Variants in MROH2A observed in about 807,000 individuals in gnomAD.
MROH2A encodes the protein maestro heat-like repeat-containing protein family member 2A.
In MROH2A, 174 loss-of-function variants were observed where a neutral mutation model predicts 200.4. The observed-to-expected ratio is 0.87, with a 90% confidence interval of 0.77 to 0.98. The LOEUF is 0.98. Among genes scored for constraint, MROH2A ranks in the 50% least tolerant of loss-of-function variants. MROH2A has a pLI of 0.00. For synonymous variants in MROH2A, 829 were observed against 840.4 expected (o/e 0.99, Z 0.23); for missense variants, 2,045 against 2,139.6 (o/e 0.96, Z 0.87).
chr2:233,830,407 G>A (rs1559487458), intron 38 of MROH2A, among the ~76,000 whole-genome samples: 1 of 152,194 alleles, frequency 6.6e-6, no homozygotes, highest in Non-Finnish European at 1.5e-5. Flanking sequence ...CAGGAAGTGG[G>A]GAGGTGGCTG....
intron 3 of MROH2A, among the ~76,000 whole-genome samples, chr2:233,782,756 G>A (rs1701008800): frequency 6.6e-6 from 1 of 152,076 alleles, no homozygotes; most frequent in African/African-American, 2.4e-5. Flanking sequence ...TTATGTTGAA[G>A]AGCAGTGGTA....
intron 3 of MROH2A, among the ~76,000 whole-genome samples, chr2:233,784,679 T>G (rs1392838749): frequency 6.6e-6 from 1 of 152,200 alleles, no homozygotes; most frequent in Non-Finnish European, 1.5e-5. Flanking sequence ...CATCACATGA[T>G]GCACTGGCTC....
At chr2:233,789,736 AG>A (rs1202293354) in intron 4 of MROH2A, 108 bp downstream of exon 4, 40 of 1,458,066 alleles carry the variant, frequency 2.7e-5, no homozygotes, top group Non-Finnish European at 3.5e-5. Flanking sequence ...CTCTCAGAGC[AG>A]GGGTAAGGCT....
chr2:233,789,962 C>T lies in MROH2A; in HGVS notation c.519C>T (p.Asn173=). 6.4e-7 allele frequency: 1 copy of T among 1,550,506 alleles called. No individual in the cohort carries two copies. The highest frequency in any genetic ancestry group is 8.7e-7 in the Non-Finnish European group (1 of 1,146,930). The change falls in exon 5 of 42, where the codon AAC becomes AAT. Residue 173 remains asparagine (N), a synonymous_variant. Transcript: ENST00000389758. Reference sequence around the variant, plus strand: ...TGCAGCACCACCTCAAGCCCCTCAACCTCACTGATGAATTTGTCATCATCA... The same window carrying T: ...TGCAGCACCACCTCAAGCCCCTCAATCTCACTGATGAATTTGTCATCATCA... The part of the protein sequence containing the change: ...YELQHHLKPL[N]LTDEFVIITL...
At chr2:233,787,265 G>A (rs1258457933) in intron 3 of MROH2A, among the ~76,000 whole-genome samples, 1 of 151,668 alleles carries the variant, frequency 6.6e-6, no homozygotes, top group Non-Finnish European at 1.5e-5. Context: ...TGTTAATTAA[G>A]CATATTGGCC....
chr2:233,787,587 ATATATATAT>A (rs1375585950), intron 3 of MROH2A, among the ~76,000 whole-genome samples: 1,014 of 13,580 alleles, frequency 0.075, 210 homozygotes, highest in Middle Eastern at 0.18. Flanking sequence ...TCATATATAC[ATATATATAT>A]TATATATTAT....
intron 6 of MROH2A, 118 bp from the exon 7 acceptor site, chr2:233,793,555 G>A (rs1701917009): frequency 3.1e-6 from 3 of 978,446 alleles, no homozygotes; most frequent in Non-Finnish European, 4.1e-6. Flanking sequence ...AGGGCAGGGT[G>A]CAGCCTGCTC....
Position 233,828,519 on chromosome 2 carries a change from C to A in MROH2A, c.4114-111C>A. 1.5e-6 allele frequency: 2 copies of A among 1,339,500 alleles called. No individual in the cohort carries two copies. The highest frequency in any genetic ancestry group is 1.5e-5 in the South Asian group (1 of 68,168). The allele number at this position is 1,339,500 out of a possible 1,614,324, so 83.0% of individuals were successfully genotyped here. On this transcript the variant is annotated intron_variant, in intron 35 of 41. Coordinates refer to ENST00000389758, the MANE Select transcript of MROH2A (RefSeq NM_001394639.1). The surrounding 1 kb of genome is among the most constrained non-coding windows in gnomAD (Gnocchi z 4.6). The stretch of plus-strand genomic sequence containing the variant: ...GAAACGGAGGCTCTCAGAGCCCCTC[C>A]CCTCCTGTCCACAGAGCCACCAATC...
intron 3 of MROH2A, among the ~76,000 whole-genome samples, chr2:233,788,981 C>T (rs1190286959): frequency 7.2e-6 from 1 of 138,438 alleles, no homozygotes; most frequent in Non-Finnish European, 1.5e-5. Context: ...AGTAACTTGT[C>T]ATGCCTGATT....
At position 233,828,748 on chromosome 2, in the gene MROH2A, T is replaced by A; in HGVS notation, c.4232T>A (p.Leu1411His). The A allele has an allele frequency of 6.4e-7, 1 of 1,550,454 alleles. No homozygotes were observed. The highest frequency in any genetic ancestry group is 8.7e-7 in the Non-Finnish European group (1 of 1,146,910). ...CTGCGGGTGCTGTCCCTGCGCGCCC[T>A]CGGCAACATGGCCCTGGGCGCCCCC... ...EALRVLSLRA[L>H]GNMALGAPKK... Residue 1411 changes from leucine to histidine, a missense_variant, in exon 36 of 42, where the codon CTC becomes CAC. Leu to His is a moderately conservative substitution (Grantham distance 99, BLOSUM62 -3). Transcript: ENST00000389758. This position sits in a 1 kb window ranked among gnomAD's most constrained non-coding sequence, Gnocchi z 4.6.
intron 5 of MROH2A, among the ~76,000 whole-genome samples, chr2:233,791,853 G>A (rs1380174530): frequency 6.6e-6 from 1 of 152,064 alleles, no homozygotes; most frequent in Non-Finnish European, 1.5e-5. Context: ...GGAGTGGGAG[G>A]GGAGGAAGGG....
chr2:233,819,235 T>C (rs769412544), intron 29 of MROH2A, 82 bp from the exon 30 acceptor site: 145 of 1,363,516 alleles, frequency 1.1e-4, no homozygotes, highest in Non-Finnish European at 1.4e-4. Flanking sequence ...AGTGGGGCCA[T>C]GGGGTGGGAC....
intron 24 of MROH2A, among the ~76,000 whole-genome samples, chr2:233,812,249 C>T (rs1249988996): frequency 2.0e-5 from 3 of 152,186 alleles, no homozygotes; most frequent in Admixed American, 2.0e-4. Flanking sequence ...AGCAAAATAA[C>T]AGTGATAACA....
At chr2:233,783,028 G>T (rs563029770) in intron 3 of MROH2A, among the ~76,000 whole-genome samples, 85 of 152,230 alleles carry the variant, frequency 5.6e-4, no homozygotes, top group Middle Eastern at 3.4e-3. Context: ...TTATTGATTT[G>T]TGTGTATTGG....
At chr2:233,794,839 G>A (rs914567067) in intron 8 of MROH2A, among the ~76,000 whole-genome samples, 3 of 152,132 alleles carry the variant, frequency 2.0e-5, no homozygotes, top group African/African-American at 7.2e-5. Flanking sequence ...TTCTCTGTAC[G>A]TCCTGGAGGT....
In MROH2A at chr2:233,823,021, G is replaced by T; in HGVS notation, c.4004+3G>T. The T allele has an allele frequency of 6.5e-7, 1 of 1,550,016 alleles. No homozygotes were observed. The highest frequency in any genetic ancestry group is 8.7e-7 in the Non-Finnish European group (1 of 1,146,906). On this transcript the variant is annotated splice_donor_region_variant and intron_variant, in intron 34 of 41. Coordinates refer to ENST00000389758, the MANE Select transcript of MROH2A (RefSeq NM_001394639.1). Reference sequence around the variant, plus strand: ...GAGGGTGTGAGCCTGCTGGCCAGGTGGGCCCTGGCTCCCACAGGGTGGCAG... The same window carrying T: ...GAGGGTGTGAGCCTGCTGGCCAGGTTGGCCCTGGCTCCCACAGGGTGGCAG...
chr2:233,800,721 G>A (rs1033993886), intron 14 of MROH2A, among the ~76,000 whole-genome samples: 1 of 152,128 alleles, frequency 6.6e-6, no homozygotes, highest in Non-Finnish European at 1.5e-5. Context: ...TTCTAACTCT[G>A]TGAAAGACAG....
Position 233,789,965 on chromosome 2 carries a change from C to T in MROH2A, c.522C>T (p.Leu174=), listed in dbSNP as rs1388083755. 1.9e-6 allele frequency: 3 copies of T among 1,550,506 alleles called. No individual in the cohort carries two copies. The Admixed American group carries it at 5.9e-5, about 30-fold the overall frequency. The change falls in exon 5 of 42, where the codon CTC becomes CTT. Residue 174 remains leucine, a synonymous_variant. Transcript: ENST00000389758. ...ELQHHLKPLN[L]TDEFVIITLA... is the part of the protein sequence containing the mutation. Reference sequence around the variant, plus strand: ...AGCACCACCTCAAGCCCCTCAACCTCACTGATGAATTTGTCATCATCACAC... The same window carrying T: ...AGCACCACCTCAAGCCCCTCAACCTTACTGATGAATTTGTCATCATCACAC...
rs1294952637 is a variant in MROH2A at position 233,813,795 on chromosome 2, T to C, written c.2760+17T>C. 3 of 1,422,052 alleles carry C rather than the reference T, an allele frequency of 2.1e-6. No individual in the cohort carries two copies. Among genetic ancestry groups the C allele is most frequent in the East Asian group, 2.5e-5 (1 of 40,242 alleles). 88.1% of individuals were successfully genotyped at this position (1,422,052 alleles called of 1,614,324 possible). A position where few individuals can be genotyped will look rare whatever the true frequency, so the allele number is the denominator to read the frequency against. On this transcript the variant is annotated intron_variant, in intron 25 of 41. Coordinates refer to ENST00000389758, the MANE Select transcript of MROH2A (RefSeq NM_001394639.1). ...TCCATTAAGGTAGGTCCCTCTGGGA[T>C]GCCTCATTTGCTGGGTCAGGACCTG...
Sources: allele counts gnomAD v4.1 joint callset (sites outside exome capture counted in the v4.1 genomes callset), GRCh38; gene constraint gnomAD v4.1.1; non-coding constraint Gnocchi (gnomAD v3.1); transcripts MANE v1.5; gene names NCBI Gene and HGNC (gene_info 2026-07-23, HGNC 2026-07-21).